The following SCML4 variants were observed in gnomAD, a reference collection of about 807,000 sequenced individuals.
SCML4 encodes the protein sex comb on midleg-like protein 4.
A neutral mutation model predicts 41.1 loss-of-function variants in SCML4; 34 were observed. That is an observed-to-expected ratio of 0.83 (90% CI 0.63 to 1.10). SCML4 has a LOEUF of 1.10. Among genes scored for constraint, SCML4 ranks in the 50% least tolerant of loss-of-function variants. The probability of loss-of-function intolerance (pLI) is 0.00; values close to 1 mark genes in which losing one functional copy is unlikely to be tolerated. For synonymous variants in SCML4, 214 were observed against 220.9 expected (o/e 0.97, Z 0.28); for missense variants, 522 against 534.1 (o/e 0.98, Z 0.22).
Position 107,703,089 on chromosome 6 carries a change from T to A in SCML4, c.*2111A>T, listed in dbSNP as rs1773309193. ...GGCAACATCAGGAAGTTACCCTATA[T>A]GATCTAAAAGGGGGAGGCATGAATA... On this transcript the variant is annotated 3_prime_UTR_variant, in exon 8 of 8. Coordinates refer to ENST00000369020, the MANE Select transcript of SCML4 (RefSeq NM_198081.5). Among the ~76,000 whole-genome samples, 1 of 152,180 alleles carries A rather than the reference T, an allele frequency of 6.6e-6. No homozygotes were observed. The highest frequency in any genetic ancestry group is 2.1e-4 in the South Asian group (1 of 4,830).
intron 1 of SCML4, among the ~76,000 whole-genome samples, chr6:107,795,418 A>T (rs1191983580): frequency 6.6e-6 from 1 of 152,164 alleles, no homozygotes; most frequent in Non-Finnish European, 1.5e-5. Context: ...ACCTACAGTC[A>T]ATTTCATAGG....
intron 2 of SCML4, among the ~76,000 whole-genome samples, chr6:107,755,119 T>A (rs1778996417): frequency 6.6e-6 from 1 of 151,692 alleles, no homozygotes; most frequent in Non-Finnish European, 1.5e-5. Context: ...AAAAAAAAAT[T>A]ACTAGAGAGG....
In SCML4 at chr6:107,746,619, C is replaced by A; in HGVS notation, c.487+70G>T. On this transcript the variant is annotated intron_variant, in intron 4 of 7. Transcript: ENST00000369020. ...CCTGGCCACACCTGCTGTCTCCAGG[C>A]CTGAGTATGGCTGCTTCCTCTGCAG... The A allele has an allele frequency of 2.1e-6, 3 of 1,409,388 alleles. No homozygotes were observed. In the South Asian group the frequency reaches 3.7e-5, roughly 17 times the overall value. The allele number at this position is 1,409,388 out of a possible 1,614,324, so 87.3% of individuals were successfully genotyped here. A position where few individuals can be genotyped will look rare whatever the true frequency, so the allele number is the denominator to read the frequency against.
intron 2 of SCML4, among the ~76,000 whole-genome samples, chr6:107,770,778 T>G (rs1197869574): frequency 6.6e-6 from 1 of 152,168 alleles, no homozygotes; most frequent in Non-Finnish European, 1.5e-5. Flanking sequence ...CTGTTGGTAA[T>G]TTTCATTCTT....
chr6:107,733,843 G>A (rs1348114744), intron 5 of SCML4, among the ~76,000 whole-genome samples: 1 of 152,224 alleles, frequency 6.6e-6, no homozygotes, highest in Admixed American at 6.5e-5. Flanking sequence ...TCTTCTGTCA[G>A]AGGCAGGAGC....
intron 1 of SCML4, among the ~76,000 whole-genome samples, chr6:107,821,431 G>A (rs1480232395): frequency 2.6e-5 from 4 of 152,240 alleles, no homozygotes; most frequent in Non-Finnish European, 5.9e-5. Context: ...AGAAACATCA[G>A]ATGTGCCCAC....
chr6:107,739,444 CA>C (rs1413717391), intron 5 of SCML4, among the ~76,000 whole-genome samples: 5 of 152,158 alleles, frequency 3.3e-5, no homozygotes, highest in Admixed American at 3.3e-4. Flanking sequence ...ATCTTCTTAT[CA>C]TGTGATTAAC....
At chr6:107,826,621 G>C (rs1785268066), upstream of SCML4, among the ~76,000 whole-genome samples, 1 of 152,162 alleles carries the variant, frequency 6.6e-6, no homozygotes, top group African/African-American at 2.4e-5. Context: ...GCTCTGTGAG[G>C]GTTTCTCACT....
intron 1 of SCML4, among the ~76,000 whole-genome samples, chr6:107,822,069 A>C (rs1784980703): frequency 6.6e-6 from 1 of 152,222 alleles, no homozygotes; most frequent in Non-Finnish European, 1.5e-5. Flanking sequence ...TGAGATCCAA[A>C]ATTGAGATTA....
chr6:107,826,567 G>A (rs1583693618), upstream of SCML4, among the ~76,000 whole-genome samples: 2 of 152,136 alleles, frequency 1.3e-5, no homozygotes, highest in East Asian at 1.9e-4. Context: ...AAAAGGGTTG[G>A]CAGAATCTAC....
At chr6:107,763,077 A>G (rs1009258279) in intron 2 of SCML4, among the ~76,000 whole-genome samples, 2 of 151,780 alleles carry the variant, frequency 1.3e-5, no homozygotes, top group Non-Finnish European at 2.9e-5. Context: ...GAAGCAGGGT[A>G]GTGCTATGTT....
intron 1 of SCML4, among the ~76,000 whole-genome samples, chr6:107,799,272 A>C (rs772818237): frequency 5.9e-5 from 9 of 152,180 alleles, no homozygotes; most frequent in African/African-American, 1.7e-4. Context: ...TAAGAGTTTC[A>C]TATCTTCTTG....
chr6:107,770,238 A>AAATCCTATTAAG (rs1780412582), intron 2 of SCML4, among the ~76,000 whole-genome samples: 1 of 152,218 alleles, frequency 6.6e-6, no homozygotes, highest in Admixed American at 6.5e-5. Flanking sequence ...TCCTATTAAC[A>AAATCCTATTAAG]TACAACATTT....
rs537698177 is a variant in SCML4, at chr6:107,707,866, G to A, written c.1119C>T (p.His373=). 27 of 1,551,628 alleles carry A rather than the reference G, an allele frequency of 1.7e-5. No individual in the cohort carries two copies. Among genetic ancestry groups the A allele is most frequent in the Middle Eastern group, 3.3e-4 (2 of 5,992 alleles). Residue 373 remains histidine (H), a splice_region_variant and synonymous_variant, in exon 7 of 8, where the codon CAC becomes CAT. Coordinates refer to ENST00000369020, the MANE Select transcript of SCML4 (RefSeq NM_198081.5). ...LGPHVELFRK[H]EIDGNALLLL... The stretch of plus-strand genomic sequence containing the variant: ...AAGGTCAAACCCACCACTCGCATAC[G>A]TGCTTTCTGAAGAGCTCCACGTGAG...
At chr6:107,810,750 ACCC>A (rs986130136) in intron 1 of SCML4, among the ~76,000 whole-genome samples, 3 of 152,114 alleles carry the variant, frequency 2.0e-5, no homozygotes, top group Non-Finnish European at 4.4e-5. Flanking sequence ...GTTCCCCCCA[ACCC>A]CAAAAATCAT....
At chr6:107,811,915 G>A (rs1457444663) in intron 1 of SCML4, among the ~76,000 whole-genome samples, 1 of 152,222 alleles carries the variant, frequency 6.6e-6, no homozygotes, top group African/African-American at 2.4e-5. Context: ...CATCTGAACT[G>A]TTGAGCAGTT....
chr6:107,765,496 C>A (rs1451904990), intron 2 of SCML4, among the ~76,000 whole-genome samples: 1 of 152,084 alleles, frequency 6.6e-6, no homozygotes, highest in African/African-American at 2.4e-5. Flanking sequence ...CAGAGTGAGA[C>A]TCTGTGTCAA....
At chr6:107,778,222 AATAT>A (rs1163805768) in intron 1 of SCML4, among the ~76,000 whole-genome samples, 136 of 15,312 alleles carry the variant, frequency 8.9e-3, no homozygotes, top group East Asian at 0.011. Context: ...AAAAAAAAAA[AATAT>A]ATATATATAT....
At chr6:107,778,226 T>A (rs1179162541) in intron 1 of SCML4, among the ~76,000 whole-genome samples, 1,662 of 7,084 alleles carry the variant, frequency 0.23, 19 homozygotes, top group Non-Finnish European at 0.33. Flanking sequence ...AAAAAAAATA[T>A]ATATATATAT....
Sources: allele counts gnomAD v4.1 joint callset (sites outside exome capture counted in the v4.1 genomes callset), GRCh38; gene constraint gnomAD v4.1.1; transcripts MANE v1.5; gene names NCBI Gene and HGNC (gene_info 2026-07-23, HGNC 2026-07-21).